The following RPS6KA2 variants were observed in gnomAD, a reference collection of about 807,000 sequenced individuals.
RPS6KA2 encodes ribosomal protein S6 kinase A2, also known as ribosomal protein S6 kinase alpha-2.
RPS6KA2 carries 42 observed loss-of-function variants against 91.8 expected under a neutral mutation model. The ratio of observed to expected loss-of-function variants is 0.46; its 90% confidence interval spans 0.36 to 0.59. RPS6KA2 has a LOEUF of 0.59. RPS6KA2 is among the 20% of genes least tolerant of loss of function. RPS6KA2 has a pLI of 0.00. For missense variants in RPS6KA2, 798 were observed against 978.5 expected (o/e 0.82, Z 2.46); for synonymous variants, 414 against 393.6 (o/e 1.05, Z -0.61).
At chr6:166,456,121 A>C (rs1467115654) in intron 12 of RPS6KA2, among the ~76,000 whole-genome samples, 1 of 152,246 alleles carries the variant, frequency 6.6e-6, no homozygotes, top group East Asian at 1.9e-4. Flanking sequence ...ACCAAGAGGC[A>C]CGGAAGACAC....
intron 1 of RPS6KA2, among the ~76,000 whole-genome samples, chr6:166,625,341 C>T (rs1188350410): frequency 8.8e-6 from 1 of 113,270 alleles, no homozygotes; most frequent in South Asian, 3.8e-4. Flanking sequence ...ACCCCCCCCC[C>T]CGCTTGTTTC....
At chr6:166,760,334 ATCT>A (rs1778132581) in intron 2 of RPS6KA2, among the ~76,000 whole-genome samples, 2 of 152,380 alleles carry the variant, frequency 1.3e-5, no homozygotes, top group East Asian at 1.9e-4. Context: ...TTGTATAAAC[ATCT>A]TCTTTCGAGG....
rs1374804525 is a variant in RPS6KA2, at chr6:166,639,105, C to T, written c.124-100321G>A. ...TCATAAGGTGCTCAATGGAGTTATT[C>T]GTAGAAATCCTAGAGTTTCACACAG... On this transcript the variant is annotated intron_variant, in intron 2 of 21. Transcript: ENST00000503859. The surrounding 1 kb of genome is among the most constrained non-coding windows in gnomAD (Gnocchi z 4.2). Among the ~76,000 whole-genome samples, 7 of 152,140 alleles carry T rather than the reference C, an allele frequency of 4.6e-5. No homozygotes were observed. The highest frequency in any genetic ancestry group is 3.9e-4 in the Admixed American group (6 of 15,280).
rs1177862509 is a variant in RPS6KA2, at chr6:166,490,765, T to C, written c.748-24A>G. ...AACTGCAGAGCAACACAGAGCACAGTGAGTTCATTCATCCAGATGGACCCG... is the reference window on the plus strand; with the variant it reads ...AACTGCAGAGCAACACAGAGCACAGCGAGTTCATTCATCCAGATGGACCCG... On this transcript the variant is annotated intron_variant, in intron 8 of 20. Transcript: ENST00000265678. This position sits in a 1 kb window ranked among gnomAD's most constrained non-coding sequence, Gnocchi z 4.2. 2.5e-6 allele frequency: 4 copies of C among 1,591,478 alleles called. No homozygotes were observed. Among genetic ancestry groups the C allele is most frequent in the Non-Finnish European group, 3.4e-6 (4 of 1,161,746 alleles).
intron 2 of RPS6KA2, among the ~76,000 whole-genome samples, chr6:166,764,907 C>T (rs533570051): frequency 9.9e-5 from 15 of 152,242 alleles, no homozygotes; most frequent in African/African-American, 1.7e-4. Flanking sequence ...TATGCAGGAA[C>T]GACAAAGCAC....
intron 1 of RPS6KA2, among the ~76,000 whole-genome samples, chr6:166,548,890 AAAGAC>A (rs1336859273): frequency 6.6e-6 from 1 of 152,268 alleles, no homozygotes; most frequent in East Asian, 1.9e-4. Context: ...AAGGAGATGA[AAAGAC>A]AAGCTATAGA....
upstream of RPS6KA2, among the ~76,000 whole-genome samples, chr6:166,630,062 G>A (rs1034435693): frequency 6.6e-6 from 1 of 152,158 alleles, no homozygotes; most frequent in Admixed American, 6.5e-5. Flanking sequence ...AGGAGGAGAT[G>A]GCCTTTGCTC....
chr6:166,768,941 C>T (rs752470819), intron 2 of RPS6KA2, among the ~76,000 whole-genome samples: 5 of 152,150 alleles, frequency 3.3e-5, no homozygotes, highest in Non-Finnish European at 5.9e-5. Flanking sequence ...CATGCTTTGA[C>T]CCTAGGATGT....
chr6:166,800,940 A>G (rs955845890), intron 2 of RPS6KA2, among the ~76,000 whole-genome samples: 4 of 152,248 alleles, frequency 2.6e-5, no homozygotes, highest in African/African-American at 9.6e-5. Flanking sequence ...AAAAATCTTT[A>G]AAGTTAATAA....
Position 166,732,342 on chromosome 6 carries a change from G to C in RPS6KA2, c.123+125858C>G, listed in dbSNP as rs1562406576. On this transcript the variant is annotated intron_variant, in intron 2 of 21. Transcript: ENST00000503859. The surrounding 1 kb of genome is among the most constrained non-coding windows in gnomAD (Gnocchi z 4.0). ...GCATTCTCAGAAATATCTCAGAAAA[G>C]TCCACCATGAAGCCAGTGGCACATG... Among the ~76,000 whole-genome samples the C allele has an allele frequency of 6.6e-6, 1 of 152,240 alleles. No homozygotes were observed. Among genetic ancestry groups the C allele is most frequent in the East Asian group, 1.9e-4 (1 of 5,174 alleles).
At chr6:166,773,660 G>A (rs1778539796) in intron 2 of RPS6KA2, among the ~76,000 whole-genome samples, 1 of 152,150 alleles carries the variant, frequency 6.6e-6, no homozygotes, top group Non-Finnish European at 1.5e-5. Flanking sequence ...TTGGCCTCCC[G>A]AAACACTGGG....
At chr6:166,785,186 A>T (rs961728814) in intron 2 of RPS6KA2, among the ~76,000 whole-genome samples, 5 of 152,224 alleles carry the variant, frequency 3.3e-5, no homozygotes, top group Non-Finnish European at 7.3e-5. Context: ...CTGAAATAAG[A>T]CAATCTTCCG....
chr6:166,436,242 G>T (rs1402446715), intron 14 of RPS6KA2, among the ~76,000 whole-genome samples: 1 of 151,084 alleles, frequency 6.6e-6, no homozygotes, highest in Non-Finnish European at 1.5e-5. Flanking sequence ...TCCTCACTGC[G>T]AGTCCGTGCC....
intron 10 of RPS6KA2, among the ~76,000 whole-genome samples, chr6:166,480,108 G>C (rs1414838227): frequency 6.6e-6 from 1 of 152,100 alleles, no homozygotes; most frequent in Non-Finnish European, 1.5e-5. Flanking sequence ...TGAGGTGCAT[G>C]TGCTTTACTT....
intron 2 of RPS6KA2, among the ~76,000 whole-genome samples, chr6:166,704,306 C>T (rs1012666741): frequency 2.6e-5 from 4 of 152,184 alleles, no homozygotes; most frequent in Admixed American, 6.5e-5. Context: ...AGTTAGCATT[C>T]GCCACCCACA....
chr6:166,643,502 CAGG>C (rs2128550997), intron 2 of RPS6KA2, among the ~76,000 whole-genome samples: 1 of 152,236 alleles, frequency 6.6e-6, no homozygotes, highest in African/African-American at 2.4e-5. Context: ...TTCAATTCAC[CAGG>C]AGGATACAAT....
In RPS6KA2 at chr6:166,848,277, C is replaced by A. The variant is rs537469308; in HGVS notation, c.123+9923G>T. ...AAAATAATAGATGTTAGCATGGATGCAGTGAAAAGGGAACACTTTTACACT... is the reference window on the plus strand; with the variant it reads ...AAAATAATAGATGTTAGCATGGATGAAGTGAAAAGGGAACACTTTTACACT... On this transcript the variant is annotated intron_variant, in intron 2 of 21. Coordinates refer to the RPS6KA2 transcript ENST00000503859. Among the ~76,000 whole-genome samples, 6 of 152,122 alleles carry A rather than the reference C, an allele frequency of 3.9e-5. No homozygotes were observed. In the South Asian group the frequency reaches 6.2e-4, roughly 16 times the overall value.
intron 2 of RPS6KA2, among the ~76,000 whole-genome samples, chr6:166,672,219 G>A (rs1207173492): frequency 6.6e-6 from 1 of 152,170 alleles, no homozygotes; most frequent in Admixed American, 6.5e-5. Context: ...GGTATGTGGG[G>A]ACGGAGAACA....
chr6:166,791,274 T>C (rs1779080731), intron 2 of RPS6KA2, among the ~76,000 whole-genome samples: 1 of 152,082 alleles, frequency 6.6e-6, no homozygotes, highest in African/African-American at 2.4e-5. Flanking sequence ...ATGAAGGCCA[T>C]TACATAATGG....
Sources: gnomAD v4.1 joint callset for allele counts (sites outside exome capture counted in the v4.1 genomes callset) on GRCh38, gnomAD v4.1.1 for gene constraint, Gnocchi (gnomAD v3.1) non-coding constraint, MANE v1.5 for transcripts, NCBI Gene and HGNC (gene_info 2026-07-23, HGNC 2026-07-21) for gene names.